The following GSTCD variants were observed in gnomAD, a reference collection of about 807,000 sequenced individuals.
GSTCD encodes the protein glutathione S-transferase C-terminal domain-containing protein.
In GSTCD, 44 loss-of-function variants were observed where a neutral mutation model predicts 68.3. The ratio of observed to expected loss-of-function variants is 0.64; its 90% CI spans 0.51 to 0.83. GSTCD has a LOEUF of 0.83. Ranked by LOEUF, GSTCD falls within the 40% of genes least tolerant of loss-of-function variation. The pLI, the probability that GSTCD is intolerant of heterozygous loss-of-function variation, is 0.00. For missense variants in GSTCD, 739 were observed against 735.9 expected (o/e 1.00, Z -0.05); for synonymous variants, 273 against 255.2 (o/e 1.07, Z -0.67).
At chr4:105,805,322 A>G (rs1234385032) in intron 5 of GSTCD, among the ~76,000 whole-genome samples, 2 of 152,102 alleles carry the variant, frequency 1.3e-5, no homozygotes, top group Non-Finnish European at 2.9e-5. Flanking sequence ...ATGCAGATTG[A>G]CATCCATGAA....
At chr4:105,832,708 G>T (rs1723946157) in intron 8 of GSTCD, among the ~76,000 whole-genome samples, 1 of 152,156 alleles carries the variant, frequency 6.6e-6, no homozygotes, top group Non-Finnish European at 1.5e-5. Flanking sequence ...GGGATGTTGT[G>T]AGCATAGTTC....
chr4:105,825,805 G>A lies in GSTCD; in HGVS notation c.1530+5G>A. 1 of 1,475,934 alleles carries A rather than the reference G, an allele frequency of 6.8e-7. No homozygotes were observed. Among genetic ancestry groups the A allele is most frequent in the Non-Finnish European group, 9.4e-7 (1 of 1,063,688 alleles). The allele number at this position is 1,475,934 out of a possible 1,614,324, so 91.4% of individuals were successfully genotyped here. ...ACTGGGATGTTTAATATTGGAGTAA[G>A]TAATCAAGTAATTTCAATTTCTTTA... On this transcript the variant is annotated splice_donor_5th_base_variant and intron_variant, in intron 8 of 11. Coordinates refer to ENST00000515279, the MANE Select transcript of GSTCD (RefSeq NM_001370181.1).
intron 4 of GSTCD, among the ~76,000 whole-genome samples, chr4:105,727,702 AG>A (rs1560797458): frequency 6.6e-6 from 1 of 151,740 alleles, no homozygotes; most frequent in African/African-American, 2.4e-5. Context: ...AAAAAAAAAA[AG>A]AATGCATATG....
At chr4:105,757,941 T>G (rs1734255385) in intron 5 of GSTCD, among the ~76,000 whole-genome samples, 1 of 152,224 alleles carries the variant, frequency 6.6e-6, no homozygotes, top group African/African-American at 2.4e-5. Flanking sequence ...ATGCTTTTAC[T>G]AGGCCTTTAG....
At chr4:105,833,599 AG>A (rs958852425) in intron 8 of GSTCD, among the ~76,000 whole-genome samples, 13 of 152,108 alleles carry the variant, frequency 8.5e-5, no homozygotes, top group South Asian at 2.1e-4. Flanking sequence ...TGGAGATGTG[AG>A]GGGTTTTTTT....
At chr4:105,745,401 C>T (rs1733767210) in intron 5 of GSTCD, among the ~76,000 whole-genome samples, 1 of 152,194 alleles carries the variant, frequency 6.6e-6, no homozygotes, top group Admixed American at 6.5e-5. Context: ...ACCATCAATA[C>T]TCAGTAGTAG....
intron 1 of GSTCD, among the ~76,000 whole-genome samples, chr4:105,714,914 A>G (rs1732639856): frequency 6.6e-6 from 1 of 152,218 alleles, no homozygotes; most frequent in African/African-American, 2.4e-5. Context: ...CGTGGCAAAT[A>G]TAGGCATACT....
At chr4:105,767,345 A>C (rs1178439404) in intron 5 of GSTCD, among the ~76,000 whole-genome samples, 1 of 152,212 alleles carries the variant, frequency 6.6e-6, no homozygotes, top group African/African-American at 2.4e-5. Context: ...CCTTTAGGTC[A>C]AACATAAAAT....
intron 5 of GSTCD, among the ~76,000 whole-genome samples, chr4:105,729,763 C>T (rs1466830653): frequency 6.6e-6 from 1 of 151,960 alleles, no homozygotes; most frequent in Non-Finnish European, 1.5e-5. Flanking sequence ...TTTAATTTTA[C>T]TTTAAGTTCT....
intron 5 of GSTCD, among the ~76,000 whole-genome samples, chr4:105,743,166 G>A (rs989825412): frequency 1.3e-5 from 2 of 152,060 alleles, no homozygotes; most frequent in Middle Eastern, 3.4e-3. Context: ...TAGCCAGGAT[G>A]GTCTCGATCT....
At chr4:105,733,309 T>C (rs548574727) in intron 5 of GSTCD, among the ~76,000 whole-genome samples, 5 of 152,274 alleles carry the variant, frequency 3.3e-5, no homozygotes, top group East Asian at 3.9e-4. Context: ...CCCATTATTA[T>C]TGTGTGGGAG....
At chr4:105,806,962 A>C (rs1208625777) in intron 5 of GSTCD, among the ~76,000 whole-genome samples, 1 of 152,004 alleles carries the variant, frequency 6.6e-6, no homozygotes, top group Non-Finnish European at 1.5e-5. Context: ...TTCACTTTTT[A>C]AAATCCTCCC....
intron 5 of GSTCD, among the ~76,000 whole-genome samples, chr4:105,751,248 G>A (rs1733999950): frequency 6.6e-6 from 1 of 152,090 alleles, no homozygotes; most frequent in Non-Finnish European, 1.5e-5. Flanking sequence ...CTTCCTGTGA[G>A]TCTAAAATTG....
At chr4:105,825,912 T>G (rs1723581113) in intron 8 of GSTCD, 112 bp downstream of exon 8, 3 of 559,130 alleles carry the variant, frequency 5.4e-6, no homozygotes, top group Admixed American at 6.4e-5. Context: ...AATTTATAAT[T>G]TTGTATACTT....
chr4:105,745,333 A>G (rs1428425441), intron 5 of GSTCD, among the ~76,000 whole-genome samples: 1 of 152,242 alleles, frequency 6.6e-6, no homozygotes, highest in African/African-American at 2.4e-5. Context: ...AATTCTATGA[A>G]GAATGAAAGG....
intron 5 of GSTCD, among the ~76,000 whole-genome samples, chr4:105,732,647 G>A (rs1733292102): frequency 6.6e-6 from 1 of 151,954 alleles, no homozygotes; most frequent in Admixed American, 6.6e-5. Flanking sequence ...ACCAGCTCCT[G>A]GATTCATTGA....
At chr4:105,765,767 C>G (rs1032961236) in intron 5 of GSTCD, among the ~76,000 whole-genome samples, 1 of 152,146 alleles carries the variant, frequency 6.6e-6, no homozygotes, top group African/African-American at 2.4e-5. Context: ...ATGCTGTTCT[C>G]ATGATAGTGA....
intron 1 of GSTCD, among the ~76,000 whole-genome samples, chr4:105,715,999 A>G (rs1732669131): frequency 6.6e-6 from 1 of 152,194 alleles, no homozygotes; most frequent in African/African-American, 2.4e-5. Context: ...TGACTTGAAA[A>G]TAGCCATGAA....
At chr4:105,750,460 C>CAAAAAAAAAAAAAAAAAAAA in intron 5 of GSTCD, among the ~76,000 whole-genome samples, 1 of 51,278 alleles carries the variant, frequency 2.0e-5, no homozygotes, top group Non-Finnish European at 4.4e-5. Flanking sequence ...AACTCCGTCT[C>CAAAAAAAAAAAAAAAAAAAA]AAAAAAAAAA....
Sources: gnomAD v4.1 joint callset for allele counts (sites outside exome capture counted in the v4.1 genomes callset) on GRCh38, gnomAD v4.1.1 for gene constraint, MANE v1.5 for transcripts, NCBI Gene and HGNC (gene_info 2026-07-23, HGNC 2026-07-21) for gene names.